The following PHF23 variants were observed in gnomAD, a reference collection of about 807,000 sequenced individuals.
The protein encoded by PHF23 is PDH-containing protein JUNE-1.
A neutral mutation model predicts 36.0 loss-of-function variants in PHF23; 3 were observed. The ratio of observed to expected loss-of-function variants is 0.08; its 90% CI spans 0.04 to 0.22. The LOEUF is 0.22. PHF23 is among the 10% of genes least tolerant of loss of function. The pLI is 1.00. For synonymous variants in PHF23, 242 were observed against 192.5 expected, an observed-to-expected ratio of 1.26 and a Z score of -2.13; for missense variants, 475 against 513.6, an observed-to-expected ratio of 0.92 and a Z score of 0.73.
rs992663730 is a variant in PHF23 at position 7,239,013 on chromosome 17, A to T, written c.34+233T>A. 10 of 1,440,814 alleles carry T rather than the reference A, an allele frequency of 6.9e-6. No homozygotes were observed. In the African/African-American group the frequency reaches 1.1e-4, roughly 16 times the overall value. 89.3% of individuals were successfully genotyped at this position (1,440,814 alleles called of 1,614,324 possible). A position where few individuals can be genotyped will look rare whatever the true frequency, so the allele number is the denominator to read the frequency against. ...CTAACCCCCGAGGCTCCGGGTTTCA[A>T]GCTCCTATCCCCCGCACCCCCACAC... On this transcript the variant is annotated intron_variant, in intron 1 of 4. Coordinates refer to ENST00000320316, the MANE Select transcript of PHF23 (RefSeq NM_024297.3).
intron 1 of PHF23, chr17:7,238,460 A>C (rs1362953081): frequency 1.3e-5 from 1 of 77,912 alleles, no homozygotes; most frequent in African/African-American, 8.6e-5. Context: ...CTCACCACCC[A>C]GTTACTAGGC....
chr17:7,236,221 C>G lies in PHF23; in HGVS notation c.706G>C (p.Gly236Arg). 6.2e-7 allele frequency: 1 copy of G among 1,613,210 alleles called. No homozygotes were observed. Among genetic ancestry groups the G allele is most frequent in the African/African-American group, 1.3e-5 (1 of 74,996 alleles). The change falls in exon 4 of 5, where the codon GGG (glycine) becomes CGG (arginine). Residue 236 changes from glycine (G) to arginine (R), a missense_variant. Gly to Arg is a moderately radical substitution (Grantham distance 125). Coordinates refer to ENST00000320316, the MANE Select transcript of PHF23 (RefSeq NM_024297.3). This position sits in a 1 kb window ranked among gnomAD's most constrained non-coding sequence, Gnocchi z 5.1. ...TCACTGGGGGGTGCCTGGGGAGGCCCAGGAGGTGGGAGTCTATCCCCCCGT... is the reference window on the plus strand; with the variant it reads ...TCACTGGGGGGTGCCTGGGGAGGCCGAGGAGGTGGGAGTCTATCCCCCCGT... ...AERGDRLPPPGPPQAPPSDTD... is the reference protein window; with the variant it reads ...AERGDRLPPPRPPQAPPSDTD...
Position 7,237,389 on chromosome 17 carries a change from T to C in PHF23, c.155A>G (p.Lys52Arg), listed in dbSNP as rs2071690625. ...CAGTAATTCTCTTGCCCCTACCTCT[T>C]TGCTAGGGGGAATGTAACCAGCATA... ...LAYAGYIPPS[K>R]EESDWPASGS... Residue 52 changes from lysine (K) to arginine (R), a missense_variant, in exon 3 of 5, where the codon AAA (lysine) becomes AGA (arginine). Transcript: ENST00000320316. The C allele has an allele frequency of 1.2e-6, 2 of 1,611,664 alleles. No individual in the cohort carries two copies. Among genetic ancestry groups the C allele is most frequent in the East Asian group, 4.5e-5 (2 of 44,876 alleles).
chr17:7,239,281 G>GC lies in PHF23; in HGVS notation c.-3dup. 6.8e-7 allele frequency: 1 copy of GC among 1,473,898 alleles called. No homozygotes were observed. The highest frequency in any genetic ancestry group is 9.4e-7 in the Non-Finnish European group (1 of 1,066,830). 91.3% of individuals were successfully genotyped at this position (1,473,898 alleles called of 1,614,324 possible). On this transcript the variant is annotated 5_prime_UTR_variant, in exon 1 of 5. Coordinates refer to ENST00000320316, the MANE Select transcript of PHF23 (RefSeq NM_024297.3). ...GGGCTCCGCCATGGCTTCCAGCATC[G>GC]CCCCCTCCCCTCCTCCCGGTCCGGC...
chr17:7,240,343 A>G (rs1041787863), upstream of PHF23: 1 of 157,148 alleles, frequency 6.4e-6, no homozygotes, highest in Admixed American at 6.3e-5. Context: ...TTCTTTCCCC[A>G]CCACTGAAAC....
upstream of PHF23, chr17:7,239,885 C>T (rs377711899): frequency 2.0e-5 from 3 of 152,284 alleles, no homozygotes; most frequent in Non-Finnish European, 4.4e-5. Flanking sequence ...TCCGGCCTGC[C>T]GGAGAAATGA....
chr17:7,239,061 G>C, intron 1 of PHF23, 185 bp downstream of exon 1: 1 of 1,261,298 alleles, frequency 7.9e-7, no homozygotes. Flanking sequence ...AACTACCCCA[G>C]CCCAGTTTCC....
chr17:7,238,701 T>C, intron 1 of PHF23: 2 of 1,103,084 alleles, frequency 1.8e-6, no homozygotes, highest in Admixed American at 3.6e-5. Flanking sequence ...CCTGGCTCGC[T>C]CTCTCCACAA....
rs1189239042 is a variant in PHF23 at position 7,235,242 on chromosome 17, T to C, written c.*384A>G. ...AAAATACAACCGGTGTAGAAGAAAA[T>C]AAATGGGGAGTGAAATAGAAGAAAA... is the stretch of plus-strand genomic sequence containing the variant. On this transcript the variant is annotated 3_prime_UTR_variant, in exon 5 of 5. Coordinates refer to ENST00000320316, the MANE Select transcript of PHF23 (RefSeq NM_024297.3). 3.1e-5 allele frequency: 8 copies of C among 255,040 alleles called. No homozygotes were observed. In the East Asian group the frequency reaches 7.5e-4, roughly 24 times the overall value. 15.8% of individuals were successfully genotyped at this position (255,040 alleles called of 1,614,324 possible). A position where few individuals can be genotyped will look rare whatever the true frequency, so the allele number is the denominator to read the frequency against.
Position 7,236,519 on chromosome 17 carries a change from A to G in PHF23, c.408T>C (p.Ser136=), listed in dbSNP as rs2071673788. 1 of 1,613,990 alleles carries G rather than the reference A, an allele frequency of 6.2e-7. No homozygotes were observed. Among genetic ancestry groups the G allele is most frequent in the Non-Finnish European group, 8.5e-7 (1 of 1,180,006 alleles). Residue 136 remains serine (S), a synonymous_variant, in exon 4 of 5, where the codon TCT becomes TCC. Transcript: ENST00000320316. The surrounding 1 kb of genome is among the most constrained non-coding windows in gnomAD (Gnocchi z 5.1). Reference sequence around the variant, plus strand: ...CTTTGGGCCCATCCAGATCAAAGAGAGAGTCCTTGAGCTTCATCTTCTCAA... The same window carrying G: ...CTTTGGGCCCATCCAGATCAAAGAGGGAGTCCTTGAGCTTCATCTTCTCAA... The part of the protein sequence containing the change: ...TLLEKMKLKD[S]LFDLDGPKVA...
Position 7,235,377 on chromosome 17 carries a change from CAG to C in PHF23, c.*247_*248del. 1.9e-6 allele frequency: 1 copy of C among 528,008 alleles called. No individual in the cohort carries two copies. 32.7% of individuals were successfully genotyped at this position (528,008 alleles called of 1,614,324 possible). The stretch of plus-strand genomic sequence containing the variant: ...AAGTGATGGTGGCAGGTCCAAGAGA[CAG>C]AGATTATGTGTCGGGACACAGACAG... On this transcript the variant is annotated 3_prime_UTR_variant, in exon 5 of 5. Transcript: ENST00000320316.
chr17:7,236,800 AC>A lies in PHF23; in HGVS notation c.160-34del. 6.4e-7 allele frequency: 1 copy of A among 1,571,072 alleles called. No individual in the cohort carries two copies. Among genetic ancestry groups the A allele is most frequent in the Non-Finnish European group, 8.6e-7 (1 of 1,160,950 alleles). Reference sequence around the variant, plus strand: ...GGGGGAAGAGACCAGGGTCAGCAGAACCCCAGTGTCATCTCAGCCCCTCCAC... The same window carrying A: ...GGGGGAAGAGACCAGGGTCAGCAGAACCCAGTGTCATCTCAGCCCCTCCAC... On this transcript the variant is annotated intron_variant, in intron 3 of 4. Transcript: ENST00000320316. This position sits in a 1 kb window ranked among gnomAD's most constrained non-coding sequence, Gnocchi z 5.1.
Position 7,236,664 on chromosome 17 carries a change from T to C in PHF23, c.263A>G (p.Gln88Arg). Residue 88 changes from glutamine to arginine, a missense_variant, in exon 4 of 5, where the codon CAG (glutamine) becomes CGG (arginine). Physicochemically the swap from Gln to Arg is conservative, Grantham distance 43. Around this residue, in one of 5 missense-constraint regions of PHF23, gnomAD observed 350 missense variants for 319.8 expected, o/e 1.09. Transcript: ENST00000320316. The surrounding 1 kb of genome is among the most constrained non-coding windows in gnomAD (Gnocchi z 5.1). ...DSAPSDLRTIQTFVKKAKSSK... is the reference protein window; with the variant it reads ...DSAPSDLRTIRTFVKKAKSSK... Reference sequence around the variant, plus strand: ...TGACTTTGCTTTCTTAACAAAAGTCTGGATGGTTCGAAGATCTGAGGGGGC... The same window carrying C: ...TGACTTTGCTTTCTTAACAAAAGTCCGGATGGTTCGAAGATCTGAGGGGGC... 6.2e-7 allele frequency: 1 copy of C among 1,614,150 alleles called. No homozygotes were observed.
intron 1 of PHF23, chr17:7,238,905 C>T: frequency 6.5e-7 from 1 of 1,531,130 alleles, no homozygotes; most frequent in South Asian, 1.2e-5. Flanking sequence ...TCTACGTCCT[C>T]CCTCCTGAGC....
chr17:7,237,815 C>A, intron 1 of PHF23, 155 bp from the exon 2 acceptor site: 2 of 822,864 alleles, frequency 2.4e-6, no homozygotes, highest in South Asian at 1.7e-5. Flanking sequence ...CCCCGGCTCC[C>A]CCTTCCGCCC....
Position 7,236,634 on chromosome 17 carries a change from T to C in PHF23, c.293A>G (p.Lys98Arg). The change falls in exon 4 of 5, where the codon AAG becomes AGG. Residue 98 changes from lysine (K) to arginine (R), a missense_variant. Lys to Arg is a conservative substitution (Grantham distance 26, BLOSUM62 2). Transcript: ENST00000320316. The surrounding 1 kb of genome is among the most constrained non-coding windows in gnomAD (Gnocchi z 5.1). ...QTFVKKAKSSKRRAAQAGPTQ... is the reference protein window; with the variant it reads ...QTFVKKAKSSRRRAAQAGPTQ... ...GGGACCTGCTTGAGCTGCCCTTCTC[T>C]TGGATGACTTTGCTTTCTTAACAAA... 1 of 1,614,154 alleles carries C rather than the reference T, an allele frequency of 6.2e-7. No individual in the cohort carries two copies. Among genetic ancestry groups the C allele is most frequent in the Non-Finnish European group, 8.5e-7 (1 of 1,180,018 alleles).
chr17:7,236,846 G>A lies in PHF23; in HGVS notation c.160-79C>T. ...CTCCACAAACCCAGCTTGAAAAGGA[G>A]TGACTGGATTTACCCCAAAATGTCC... On this transcript the variant is annotated intron_variant, in intron 3 of 4. Transcript: ENST00000320316. This position sits in a 1 kb window ranked among gnomAD's most constrained non-coding sequence, Gnocchi z 5.1. 6.6e-7 allele frequency: 1 copy of A among 1,512,116 alleles called. No homozygotes were observed. The highest frequency in any genetic ancestry group is 8.8e-7 in the Non-Finnish European group (1 of 1,139,748). 93.7% of individuals were successfully genotyped at this position (1,512,116 alleles called of 1,614,324 possible). A position where few individuals can be genotyped will look rare whatever the true frequency, so the allele number is the denominator to read the frequency against.
chr17:7,238,038 G>A, intron 1 of PHF23: 1 of 225,376 alleles, frequency 4.4e-6, no homozygotes, highest in South Asian at 6.4e-5. Context: ...CGCGCCCGGA[G>A]CCCCGAGTTC....
chr17:7,240,331 T>G (rs1238005084), upstream of PHF23: 1 of 156,302 alleles, frequency 6.4e-6, no homozygotes, highest in African/African-American at 2.4e-5. Context: ...TACCCAGTAC[T>G]CTTCTTTCCC....
Sources: allele counts gnomAD v4.1 joint callset, GRCh38; gene constraint gnomAD v4.1.1; regional missense constraint gnomAD v4.1.1; non-coding constraint Gnocchi (gnomAD v3.1); transcripts MANE v1.5; gene names NCBI Gene and HGNC (gene_info 2026-07-23, HGNC 2026-07-21).